The following BTN3A3 variants were observed in gnomAD, a reference collection of about 807,000 sequenced individuals.
BTN3A3 encodes the protein butyrophilin subfamily 3 member A3.
A neutral mutation model predicts 43.2 loss-of-function variants in BTN3A3; 39 were observed. The ratio of observed to expected loss-of-function variants is 0.90; its 90% CI spans 0.70 to 1.18. The LOEUF (loss-of-function observed/expected upper bound fraction) is 1.18, where lower values mean the gene tolerates loss of function less well. Ranked by LOEUF, BTN3A3 falls within the 50% of genes most tolerant of loss-of-function variation. The probability of loss-of-function intolerance (pLI) is 0.00; values close to 1 mark genes in which losing one functional copy is unlikely to be tolerated. For synonymous variants in BTN3A3, 255 were observed against 272.7 expected (o/e 0.93, Z 0.64); for missense variants, 631 against 722.8 (o/e 0.87, Z 1.46).
chr6:26,450,169 C>T (rs1380722077), intron 10 of BTN3A3, 36 bp downstream of exon 10: 8 of 1,603,554 alleles, frequency 5.0e-6, no homozygotes, highest in Non-Finnish European at 6.8e-6. Context: ...GGATCAACAA[C>T]CTGAGGGACT....
chr6:26,443,837 G>C, intron 3 of BTN3A3, 120 bp from the exon 4 acceptor site: 1 of 1,495,030 alleles, frequency 6.7e-7, no homozygotes, highest in East Asian at 2.4e-5. Context: ...TGGTCCTTCT[G>C]TTAGGATTGT....
chr6:26,448,363 A>C lies in BTN3A3; in HGVS notation c.831A>C (p.Lys277Asn). 1 of 1,613,834 alleles carries C rather than the reference A, an allele frequency of 6.2e-7. No individual in the cohort carries two copies. Among genetic ancestry groups the C allele is most frequent in the East Asian group, 2.2e-5 (1 of 44,858 alleles). ...SYFLWRQQKE[K>N]IALSRETERE... ...TCTTGTGGAGACAACAGAAGGAAAA[A>C]ATTGCTCTGTCCAGGGAGACAGAAA... Residue 277 changes from lysine to asparagine, a missense_variant, in exon 6 of 11, where the codon AAA becomes AAC. By Grantham distance (94) the Lys-to-Asn change is moderately conservative. Transcript: ENST00000244519.
In BTN3A3 at chr6:26,444,217, G is replaced by A. The variant is rs770025934; in HGVS notation, c.346G>A (p.Val116Ile). The change falls in exon 4 of 11, where the codon GTC (valine) becomes ATC (isoleucine). Residue 116 changes from valine to isoleucine, a missense_variant. Around this residue, in one of 2 missense-constraint regions of BTN3A3, gnomAD observed 551 missense variants for 584.0 expected, o/e 0.94. Transcript: ENST00000244519. Reference sequence around the variant, plus strand: ...GAAGGCTGCTCTCCGAATACACAACGTCACAGCCTCTGACAGTGGAAAGTA... The same window carrying A: ...GAAGGCTGCTCTCCGAATACACAACATCACAGCCTCTGACAGTGGAAAGTA... Reference protein sequence around the residue: ...AGKAALRIHNVTASDSGKYLC... With the variant: ...AGKAALRIHNITASDSGKYLC... The A allele has an allele frequency of 1.1e-5, 18 of 1,612,038 alleles. No homozygotes were observed. Among genetic ancestry groups the A allele is most frequent in the South Asian group, 9.9e-5 (9 of 90,990 alleles).
chr6:26,450,826 T>C (rs148939705), intron 10 of BTN3A3, among the ~76,000 whole-genome samples: 30 of 152,256 alleles, frequency 2.0e-4, no homozygotes, highest in African/African-American at 6.7e-4. Flanking sequence ...CAGAGAAAAG[T>C]AGCTCAAAAG....
chr6:26,448,625 C>T lies in BTN3A3; in HGVS notation c.925C>T (p.Gln309Ter), dbSNP rs369276339. The change falls in exon 7 of 11, where the codon CAG (glutamine) becomes TAG (stop). Residue 309 changes from glutamine (Q) to a stop codon, truncating the protein, a stop_gained. Transcript: ENST00000244519. LOFTEE classifies it high-confidence loss of function. ...EQEISLREKLQEELKWRKIQY... is the reference protein window; with the variant it reads ...EQEISLREKL ...TTTTGCTTATTTTCCAGAGAAGCTC[C>T]AGGAGGAACTCAGTAAGTTCCCATT... 1 of 1,613,796 alleles carries T rather than the reference C, an allele frequency of 6.2e-7. No individual in the cohort carries two copies. The highest frequency in any genetic ancestry group is 1.3e-5 in the African/African-American group (1 of 74,814).
chr6:26,452,324 C>T lies in BTN3A3; in HGVS notation c.1668C>T (p.Leu556=), dbSNP rs772393643. ...AGGCTGAAGTAACATCTCTGCTTCT[C>T]CCTGCCCACCCTGGAGCTGAGGTCT... ...EPQAEVTSLL[L]PAHPGAEVSP... The change falls in exon 11 of 11, where the codon CTC becomes CTT. Residue 556 remains leucine, a synonymous_variant. Transcript: ENST00000244519. The T allele has an allele frequency of 6.2e-7, 1 of 1,612,878 alleles. No individual in the cohort carries two copies. The highest frequency in any genetic ancestry group is 8.5e-7 in the Non-Finnish European group (1 of 1,180,018).
In BTN3A3 at chr6:26,451,964, G is replaced by A. The variant is rs143237800; in HGVS notation, c.1308G>A (p.Leu436=). 5.0e-6 allele frequency: 8 copies of A among 1,614,022 alleles called. No homozygotes were observed. In the African/African-American group the frequency reaches 1.1e-4, roughly 22 times the overall value. The change falls in exon 11 of 11, where the codon CTG becomes CTA. Residue 436 remains leucine (L), a synonymous_variant. Transcript: ENST00000244519. ...AGAACGGATACTGGACTATGGGCCT[G>A]ACTGATGGGAATAAGTATCGGGCTC... ...TPENGYWTMG[L]TDGNKYRALT...
intron 4 of BTN3A3, 143 bp downstream of exon 4, chr6:26,444,447 A>G: frequency 6.1e-6 from 8 of 1,304,536 alleles, no homozygotes; most frequent in Non-Finnish European, 8.5e-6. Context: ...CTTCTCTGCA[A>G]CCCTTAAGAA....
Position 26,451,887 on chromosome 6 carries a change from G to T in BTN3A3, c.1231G>T (p.Val411Leu). 6.2e-7 allele frequency: 1 copy of T among 1,614,148 alleles called. No homozygotes were observed. The highest frequency in any genetic ancestry group is 2.2e-5 in the East Asian group (1 of 44,880). The stretch of plus-strand genomic sequence containing the variant: ...GGACAGAAAAGAGTGGCATATTGGG[G>T]TATGTAGTAAGAACGTGGAGAGGAA... ...VGDRKEWHIG[V>L]CSKNVERKKG... The change falls in exon 11 of 11, where the codon GTA (valine) becomes TTA (leucine). Residue 411 changes from valine (V) to leucine (L), a missense_variant. Val to Leu is a conservative substitution (Grantham distance 32). Coordinates refer to ENST00000244519, the MANE Select transcript of BTN3A3 (RefSeq NM_006994.5).
Position 26,451,373 on chromosome 6 carries a change from G to C in BTN3A3, c.1019-302G>C, listed in dbSNP as rs569236216. ...ATTAACCTCTGAGTATAAGGCATTA[G>C]GGGGCAGAGTCAATGTGGGGAGGGA... On this transcript the variant is annotated intron_variant, in intron 10 of 10. Transcript: ENST00000244519. Among the ~76,000 whole-genome samples the C allele has an allele frequency of 3.3e-5, 5 of 152,298 alleles. No homozygotes were observed. In the East Asian group the frequency reaches 9.6e-4, roughly 29 times the overall value.
At chr6:26,444,558 C>A in intron 4 of BTN3A3, 1 of 625,352 alleles carries the variant, frequency 1.6e-6, no homozygotes, top group Non-Finnish European at 2.7e-6. Context: ...AAATGAAGGA[C>A]GACGGATAGG....
chr6:26,448,566 C>A (rs1320633245), intron 6 of BTN3A3, 51 bp from the exon 7 acceptor site: 2 of 1,613,344 alleles, frequency 1.2e-6, no homozygotes, highest in Non-Finnish European at 1.7e-6. Context: ...CCAAAACCCC[C>A]CTTACCCATA....
At chr6:26,449,815 G>A (rs1475557149) in intron 9 of BTN3A3, 127 bp downstream of exon 9, 17 of 1,245,180 alleles carry the variant, frequency 1.4e-5, no homozygotes, top group Non-Finnish European at 2.0e-5. Context: ...ACTCAATTTT[G>A]CATGGTAGGG....
chr6:26,443,452 T>C lies in BTN3A3; in HGVS notation c.-6+10T>C. ...GACATTTTTGGCAGAGGTAAGATCTTCTTTGGTCACCATACTTGAGTTAGC... is the reference window on the plus strand; with the variant it reads ...GACATTTTTGGCAGAGGTAAGATCTCCTTTGGTCACCATACTTGAGTTAGC... On this transcript the variant is annotated intron_variant, in intron 2 of 10. Coordinates refer to ENST00000244519, the MANE Select transcript of BTN3A3 (RefSeq NM_006994.5). The C allele has an allele frequency of 6.5e-7, 1 of 1,529,862 alleles. No homozygotes were observed. Among genetic ancestry groups the C allele is most frequent in the Non-Finnish European group, 8.8e-7 (1 of 1,137,578 alleles). The allele number at this position is 1,529,862 out of a possible 1,614,324, so 94.8% of individuals were successfully genotyped here.
At chr6:26,448,704 C>T in intron 7 of BTN3A3, 24 bp from the exon 8 acceptor site, 1 of 1,614,046 alleles carries the variant, frequency 6.2e-7, no homozygotes, top group Middle Eastern at 1.6e-4. Context: ...CCTTGATAAC[C>T]CTTCCCTATT....
Position 26,452,106 on chromosome 6 carries a change from TAC to T in BTN3A3, c.1453_1454del (p.Thr485LeufsTer8). The T allele has an allele frequency of 6.2e-7, 1 of 1,614,164 alleles. No individual in the cohort carries two copies. The highest frequency in any genetic ancestry group is 8.5e-7 in the Non-Finnish European group (1 of 1,180,032). On this transcript the variant is annotated frameshift_variant, in exon 11 of 11. Transcript: ENST00000244519. LOFTEE classifies it low-confidence loss of function (END_TRUNC). ...TAATGCCACAGATGGATCTCATATC[TAC>T]ACCTTTCCGCACGCCTCTTTCTCTG... Reference protein sequence around the residue: ...FYNATDGSHIYTFPHASFSEP... With the variant: ...FYNATDGSHIXTFPHASFSEP...
chr6:26,451,332 C>T (rs192950738), intron 10 of BTN3A3, among the ~76,000 whole-genome samples: 5 of 152,110 alleles, frequency 3.3e-5, no homozygotes, highest in Non-Finnish European at 7.4e-5. Context: ...CATAAGCGGT[C>T]GAGTGAAGAT....
chr6:26,452,699 A>G lies in BTN3A3; in HGVS notation c.*288A>G. 5.6e-6 allele frequency: 2 copies of G among 359,228 alleles called. No individual in the cohort carries two copies. The highest frequency in any genetic ancestry group is 1.0e-5 in the Non-Finnish European group (2 of 197,886). 22.3% of individuals were successfully genotyped at this position (359,228 alleles called of 1,614,324 possible). On this transcript the variant is annotated 3_prime_UTR_variant, in exon 11 of 11. Coordinates refer to ENST00000244519, the MANE Select transcript of BTN3A3 (RefSeq NM_006994.5). ...CAAGTATGGAAGCTGAGGCAGGGCAACATGAAGTAACTTACATAACTCATA... is the reference window on the plus strand; with the variant it reads ...CAAGTATGGAAGCTGAGGCAGGGCAGCATGAAGTAACTTACATAACTCATA...
intron 1 of BTN3A3, 28 bp from the exon 2 acceptor site, chr6:26,443,354 G>A (rs530200540): frequency 9.0e-7 from 1 of 1,114,672 alleles, no homozygotes; most frequent in East Asian, 2.7e-5. Flanking sequence ...GAGATGTCCT[G>A]ATCAGATAAC....
Sources: allele counts gnomAD v4.1 joint callset (sites outside exome capture counted in the v4.1 genomes callset), GRCh38; gene constraint gnomAD v4.1.1; regional missense constraint gnomAD v4.1.1; transcripts MANE v1.5; gene names NCBI Gene and HGNC (gene_info 2026-07-23, HGNC 2026-07-21).